Variants in IBA57 observed in about 807,000 individuals in gnomAD.
IBA57 encodes iron-sulfur cluster assembly factor IBA57, mitochondrial.
In IBA57, 20 loss-of-function variants were observed where a neutral mutation model predicts 20.4. That is an observed-to-expected ratio of 0.98 (90% CI 0.69 to 1.42). IBA57 has a LOEUF of 1.42. Ranked by LOEUF, IBA57 falls within the 40% of genes most tolerant of loss-of-function variation. The pLI is 0.00. For missense variants in IBA57, 608 were observed against 499.3 expected (o/e 1.22, Z -2.07); for synonymous variants, 310 against 233.9 (o/e 1.33, Z -2.97).
rs866484244 is a variant in IBA57 at position 228,166,156 on chromosome 1, G to T, written c.340G>T (p.Gly114Trp). The T allele has an allele frequency of 2.4e-5, 35 of 1,482,548 alleles. No individual in the cohort carries two copies. The highest frequency in any genetic ancestry group is 2.9e-5 in the Non-Finnish European group (32 of 1,113,262). The allele number at this position is 1,482,548 out of a possible 1,614,324, so 91.8% of individuals were successfully genotyped here. A position where few individuals can be genotyped will look rare whatever the true frequency, so the allele number is the denominator to read the frequency against. Reference protein sequence around the residue: ...GRTLYDVILYGLQEHSEVSGF... With the variant: ...GRTLYDVILYWLQEHSEVSGF... ...GACGCTCTATGACGTCATCTTGTAC[G>T]GGTGAGCGCGTGCTGGGAGGGCGCT... The change falls in exon 1 of 3, where the codon GGG becomes TGG. Residue 114 changes from glycine (G) to tryptophan (W), a missense_variant and splice_region_variant. By Grantham distance (184) the Gly-to-Trp change is radical (BLOSUM62 -2). Coordinates refer to ENST00000366711, the MANE Select transcript of IBA57 (RefSeq NM_001010867.4).
At chr1:228,168,420 C>G (rs992769306) in intron 1 of IBA57, among the ~76,000 whole-genome samples, 1 of 152,176 alleles carries the variant, frequency 6.6e-6, no homozygotes, top group African/African-American at 2.4e-5. Flanking sequence ...GGGTTTTCAA[C>G]TGTGTGGGGG....
Position 228,166,083 on chromosome 1 carries a change from G to A in IBA57, c.267G>A (p.Pro89=). The A allele has an allele frequency of 6.5e-7, 1 of 1,537,212 alleles. No homozygotes were observed. The highest frequency in any genetic ancestry group is 8.7e-7 in the Non-Finnish European group (1 of 1,144,474). Residue 89 remains proline, a synonymous_variant, in exon 1 of 3, where the codon CCG becomes CCA. Coordinates refer to ENST00000366711, the MANE Select transcript of IBA57 (RefSeq NM_001010867.4). ...PLPSPAAAGA[P]PAARAGYAHF... ...CGAGTCCTGCGGCCGCGGGGGCCCC[G>A]CCTGCTGCGCGCGCGGGCTACGCCC...
chr1:228,167,680 G>A (rs796670492), intron 1 of IBA57, among the ~76,000 whole-genome samples: 1 of 152,216 alleles, frequency 6.6e-6, no homozygotes, highest in South Asian at 2.1e-4. Flanking sequence ...GTCTGGAGTG[G>A]TAGAGTTGTG....
Position 228,175,565 on chromosome 1 carries a change from T to TTGGCCTC in IBA57, c.*55_*61dup, listed in dbSNP as rs1338107293. On this transcript the variant is annotated 3_prime_UTR_variant, in exon 3 of 3. Coordinates refer to ENST00000366711, the MANE Select transcript of IBA57 (RefSeq NM_001010867.4). ...ATGGGGAGGCTGGGGCCTGGGGCCT[T>TTGGCCTC]TGGCCTCTGTCCAGGGTCTTCCCGT... 6.6e-7 allele frequency: 1 copy of TTGGCCTC among 1,515,546 alleles called. No homozygotes were observed. Among genetic ancestry groups the TTGGCCTC allele is most frequent in the African/African-American group, 1.4e-5 (1 of 71,856 alleles). The allele number at this position is 1,515,546 out of a possible 1,614,324, so 93.9% of individuals were successfully genotyped here.
In IBA57 at chr1:228,178,768, C is replaced by T. The variant is rs373935773; in HGVS notation, c.*3255C>T. Reference sequence around the variant, plus strand: ...CTTCTAATCCCCAAGGAGACAAGCTCCCTGTTCTGTGTTCTTGTATGAGGC... The same window carrying T: ...CTTCTAATCCCCAAGGAGACAAGCTTCCTGTTCTGTGTTCTTGTATGAGGC... On this transcript the variant is annotated 3_prime_UTR_variant, in exon 3 of 3. Transcript: ENST00000366711. 4 of 152,250 alleles carry T rather than the reference C, an allele frequency of 2.6e-5. No individual in the cohort carries two copies. The highest frequency in any genetic ancestry group is 9.6e-5 in the African/African-American group (4 of 41,456). The allele number at this position is 152,250 out of a possible 1,614,324, so 9.4% of individuals were successfully genotyped here. A position where few individuals can be genotyped will look rare whatever the true frequency, so the allele number is the denominator to read the frequency against.
rs1261528665 is a variant in IBA57 at position 228,175,270 on chromosome 1, C to T, written c.828C>T (p.Arg276=). 1.2e-6 allele frequency: 2 copies of T among 1,612,760 alleles called. No individual in the cohort carries two copies. Among genetic ancestry groups the T allele is most frequent in the African/African-American group, 2.7e-5 (2 of 74,912 alleles). Residue 276 remains arginine (R), a synonymous_variant, in exon 3 of 3, where the codon CGC becomes CGT. Coordinates refer to ENST00000366711, the MANE Select transcript of IBA57 (RefSeq NM_001010867.4). ...TARTHHMGVI[R]KRLFPVRFLD... ...GCACCCACCACATGGGCGTCATCCG[C>T]AAGCGCCTCTTCCCTGTCCGGTTCT...
In IBA57 at chr1:228,177,053, G is replaced by A. The variant is rs1044634318; in HGVS notation, c.*1540G>A. On this transcript the variant is annotated 3_prime_UTR_variant, in exon 3 of 3. Coordinates refer to ENST00000366711, the MANE Select transcript of IBA57 (RefSeq NM_001010867.4). The stretch of plus-strand genomic sequence containing the variant: ...CCCTGCAACCTTTTCAGCCCCACTG[G>A]CTGCTGCTTTAAACTGGCATGGAGA... 1 of 152,278 alleles carries A rather than the reference G, an allele frequency of 6.6e-6. No individual in the cohort carries two copies. Among genetic ancestry groups the A allele is most frequent in the African/African-American group, 2.4e-5 (1 of 41,456 alleles). The allele number at this position is 152,278 out of a possible 1,614,324, so 9.4% of individuals were successfully genotyped here. A position where few individuals can be genotyped will look rare whatever the true frequency, so the allele number is the denominator to read the frequency against.
chr1:228,175,553 G>C lies in IBA57; in HGVS notation c.*40G>C, dbSNP rs531800130. Reference sequence around the variant, plus strand: ...TGGCGCAGGCTGATGGGGAGGCTGGGGCCTGGGGCCTTTGGCCTCTGTCCA... The same window carrying C: ...TGGCGCAGGCTGATGGGGAGGCTGGCGCCTGGGGCCTTTGGCCTCTGTCCA... On this transcript the variant is annotated 3_prime_UTR_variant, in exon 3 of 3. Coordinates refer to ENST00000366711, the MANE Select transcript of IBA57 (RefSeq NM_001010867.4). 19 of 1,520,984 alleles carry C rather than the reference G, an allele frequency of 1.2e-5. No homozygotes were observed. In the Admixed American group the frequency reaches 4.1e-4, roughly 33 times the overall value. 94.2% of individuals were successfully genotyped at this position (1,520,984 alleles called of 1,614,324 possible). A position where few individuals can be genotyped will look rare whatever the true frequency, so the allele number is the denominator to read the frequency against.
Position 228,175,294 on chromosome 1 carries a change from C to T in IBA57, c.852C>T (p.Phe284=). 6.2e-7 allele frequency: 1 copy of T among 1,612,826 alleles called. No homozygotes were observed. The highest frequency in any genetic ancestry group is 1.6e-4 in the Middle Eastern group (1 of 6,062). Residue 284 remains phenylalanine (F), a synonymous_variant, in exon 3 of 3, where the codon TTC becomes TTT. Transcript: ENST00000366711. The stretch of plus-strand genomic sequence containing the variant: ...GCAAGCGCCTCTTCCCTGTCCGGTT[C>T]TTGGACCCCCTTCCCACCAGTGGCA... ...VIRKRLFPVR[F]LDPLPTSGIT...
chr1:228,171,892 C>G (rs921989181), intron 1 of IBA57: 3 of 152,480 alleles, frequency 2.0e-5, no homozygotes. Flanking sequence ...TGCCCGGGTC[C>G]CCCACTCACC....
intron 1 of IBA57, among the ~76,000 whole-genome samples, chr1:228,167,301 A>T (rs1052665045): frequency 6.6e-6 from 1 of 151,210 alleles, no homozygotes; most frequent in Non-Finnish European, 1.5e-5. Context: ...GCCGGTGTTT[A>T]TAATAAAATT....
At chr1:228,174,600 C>T (rs1338125495) in intron 1 of IBA57, 92 bp from the exon 2 acceptor site, 7 of 1,230,012 alleles carry the variant, frequency 5.7e-6, no homozygotes, top group Non-Finnish European at 7.7e-6. Context: ...ACGGTGTGCT[C>T]CTCTGCCCGG....
At chr1:228,166,247 C>T (rs1316499856) in intron 1 of IBA57, 90 bp downstream of exon 1, 2 of 568,440 alleles carry the variant, frequency 3.5e-6, no homozygotes, top group African/African-American at 2.2e-5. Flanking sequence ...CGCCCGGGGC[C>T]TGCAGAGGGC....
intron 1 of IBA57, among the ~76,000 whole-genome samples, chr1:228,169,584 T>A (rs78155484): frequency 0.015 from 2,256 of 152,294 alleles, 42 homozygotes; most frequent in African/African-American, 0.051. Flanking sequence ...GAGGGCTCAC[T>A]CTTGGCTTGG....
At position 228,170,948 on chromosome 1, in the gene IBA57, G is replaced by A. The variant is rs1253157853; in HGVS notation, c.342-3744G>A. Among the ~76,000 whole-genome samples the A allele has an allele frequency of 6.6e-6, 1 of 152,050 alleles. No individual in the cohort carries two copies. The highest frequency in any genetic ancestry group is 1.5e-5 in the Non-Finnish European group (1 of 68,000). On this transcript the variant is annotated intron_variant, in intron 1 of 2. Transcript: ENST00000366711. The surrounding 1 kb of genome is among the most constrained non-coding windows in gnomAD (Gnocchi z 4.8). The stretch of plus-strand genomic sequence containing the variant: ...GGGGACCCTTTCTTTCAGTTGGCTG[G>A]GCCAGAGCCACCCCTGACCTCCCTC...
In IBA57 at chr1:228,165,808, T is replaced by C. The variant is rs1189542525; in HGVS notation, c.-9T>C. On this transcript the variant is annotated 5_prime_UTR_variant, in exon 1 of 3. Transcript: ENST00000366711. ...TTGGGCCCTTCCCGCTGCCCCACTC[T>C]TGTCCAAGATGGCGACCGCGGCGCT... is the stretch of plus-strand genomic sequence containing the variant. 14 of 1,293,688 alleles carry C rather than the reference T, an allele frequency of 1.1e-5. No homozygotes were observed. Among genetic ancestry groups the C allele is most frequent in the Non-Finnish European group, 1.4e-5 (14 of 1,024,568 alleles). The allele number at this position is 1,293,688 out of a possible 1,614,324, so 80.1% of individuals were successfully genotyped here.
At position 228,175,324 on chromosome 1, in the gene IBA57, C is replaced by G; in HGVS notation, c.882C>G (p.Thr294=). 6.2e-7 allele frequency: 1 copy of G among 1,612,964 alleles called. No homozygotes were observed. The change falls in exon 3 of 3, where the codon ACC becomes ACG. Residue 294 remains threonine, a synonymous_variant. Transcript: ENST00000366711. The part of the protein sequence containing the change: ...FLDPLPTSGI[T]PGATVLTASG... ...ACCCCCTTCCCACCAGTGGCATCAC[C>G]CCTGGTGCCACGGTGCTGACTGCCT...
intron 1 of IBA57, chr1:228,173,247 C>T (rs2034950224): frequency 6.5e-6 from 1 of 152,690 alleles, no homozygotes. Flanking sequence ...GGGGCTGGGC[C>T]ACCTGCTCTT....
chr1:228,176,326 C>A lies in IBA57; in HGVS notation c.*813C>A, dbSNP rs2035019653. ...TGTTCACCCACTGGCTTCCCCCTTC[C>A]CACTGAAGTGTGAGCTCTATGTTTC... On this transcript the variant is annotated 3_prime_UTR_variant, in exon 3 of 3. Transcript: ENST00000366711. 1 of 152,348 alleles carries A rather than the reference C, an allele frequency of 6.6e-6. No homozygotes were observed. The highest frequency in any genetic ancestry group is 1.5e-5 in the Non-Finnish European group (1 of 68,118). 9.4% of individuals were successfully genotyped at this position (152,348 alleles called of 1,614,324 possible).
Sources: gnomAD v4.1 joint callset for allele counts (sites outside exome capture counted in the v4.1 genomes callset) on GRCh38, gnomAD v4.1.1 for gene constraint, Gnocchi (gnomAD v3.1) non-coding constraint, MANE v1.5 for transcripts, NCBI Gene and HGNC (gene_info 2026-07-23, HGNC 2026-07-21) for gene names.